The following TCF4 variants were observed in gnomAD, a reference collection of about 807,000 sequenced individuals.
TCF4 encodes SL3-3 enhancer factor 2.
In TCF4, 3 loss-of-function variants were observed where a neutral mutation model predicts 82.1. The ratio of observed to expected loss-of-function variants is 0.04; its 90% CI spans 0.02 to 0.09. TCF4 has a LOEUF of 0.09. TCF4 is among the 10% of genes least tolerant of loss of function. The probability of loss-of-function intolerance (pLI) is 1.00; values close to 1 mark genes in which losing one functional copy is unlikely to be tolerated. For missense variants in TCF4, 518 were observed against 852.7 expected (o/e 0.61, Z 4.89); for synonymous variants, 276 against 309.6 (o/e 0.89, Z 1.14).
intron 8 of TCF4, among the ~76,000 whole-genome samples, chr18:55,346,224 G>T (rs771763424): frequency 2.0e-5 from 3 of 152,034 alleles, no homozygotes; most frequent in Non-Finnish European, 4.4e-5. Flanking sequence ...TTTTATTTAA[G>T]AATTCTTTCC....
At chr18:55,234,734 A>T (rs1435938708) in intron 15 of TCF4, 51 bp from the exon 16 acceptor site, 10 of 1,612,926 alleles carry the variant, frequency 6.2e-6, no homozygotes, top group Non-Finnish European at 7.6e-6. Context: ...GAGGTGCGAC[A>T]GCTATTTCCA....
rs2097645728 is a variant in TCF4, at chr18:55,586,153, G to GAGCAGGAGCAGCAGC, written c.73-802_73-801insGCTGCTGCTCCTGCT. The GAGCAGGAGCAGCAGC allele has an allele frequency of 3.2e-5, 23 of 708,048 alleles. No individual in the cohort carries two copies. The South Asian group carries it at 3.7e-4, about 11-fold the overall frequency. The allele number at this position is 708,048 out of a possible 1,614,324, so 43.9% of individuals were successfully genotyped here. On this transcript the variant is annotated intron_variant, in intron 2 of 19. Transcript: ENST00000354452. ...GGAGGAGAAGGAGGAGGAGGAGGAG[G>GAGCAGGAGCAGCAGC]AGCAGCAGCAGCAGCAGCAGCAGCA...
At chr18:55,585,951 G>C (rs1174397391) in intron 2 of TCF4, 8 of 1,270,898 alleles carry the variant, frequency 6.3e-6, no homozygotes, top group African/African-American at 5.9e-5. Flanking sequence ...CTTCTTCGAC[G>C]TATCTAGTGG....
chr18:55,574,801 T>G (rs1405260769), intron 3 of TCF4, among the ~76,000 whole-genome samples: 1 of 151,962 alleles, frequency 6.6e-6, no homozygotes, highest in African/African-American at 2.4e-5. Flanking sequence ...AAAAAAAAAC[T>G]TTCACTGAAT....
chr18:55,553,503 T>C (rs984494098), intron 3 of TCF4: 1 of 152,186 alleles, frequency 6.6e-6, no homozygotes, highest in Non-Finnish European at 1.5e-5. Flanking sequence ...TTCAAGTTCA[T>C]GGATATTCTT....
chr18:55,228,457 G>A (rs2046961889), intron 18 of TCF4, 96 bp from the exon 19 acceptor site: 5 of 1,522,474 alleles, frequency 3.3e-6, no homozygotes, highest in Non-Finnish European at 3.6e-6. Context: ...CTTTTTCTCA[G>A]TGTTTATATT....
At chr18:55,387,109 A>G (rs2092674258) in intron 6 of TCF4, among the ~76,000 whole-genome samples, 1 of 152,242 alleles carries the variant, frequency 6.6e-6, no homozygotes, top group African/African-American at 2.4e-5. Flanking sequence ...CCACCCTTTG[A>G]AAGTCAAAGG....
chr18:55,226,532 A>C lies in TCF4; in HGVS notation c.*1503T>G, dbSNP rs2046618086. 6.6e-6 allele frequency: 1 copy of C among 152,624 alleles called. No individual in the cohort carries two copies. Among genetic ancestry groups the C allele is most frequent in the African/African-American group, 2.4e-5 (1 of 41,424 alleles). 9.5% of individuals were successfully genotyped at this position (152,624 alleles called of 1,614,324 possible). On this transcript the variant is annotated 3_prime_UTR_variant, in exon 20 of 20. Transcript: ENST00000354452. Reference sequence around the variant, plus strand: ...AATATGGTAAGTATAAACTTCATTCATACTGGCCAGAGAAATACTGCACTA... The same window carrying C: ...AATATGGTAAGTATAAACTTCATTCCTACTGGCCAGAGAAATACTGCACTA...
At chr18:55,468,891 C>CTA (rs1555676454) in intron 3 of TCF4, among the ~76,000 whole-genome samples, 2 of 127,694 alleles carry the variant, frequency 1.6e-5, no homozygotes, top group Admixed American at 1.5e-4. Context: ...GCCCCCCCCC[C>CTA]CCTTGTTCTA....
At chr18:55,442,527 A>G in intron 5 of TCF4, among the ~76,000 whole-genome samples, 1 of 152,196 alleles carries the variant, frequency 6.6e-6, no homozygotes, top group East Asian at 1.9e-4. Context: ...GTTTCTAAGG[A>G]TTATTGGCCA....
chr18:55,574,890 T>C (rs1314289298), intron 3 of TCF4, among the ~76,000 whole-genome samples: 1 of 152,102 alleles, frequency 6.6e-6, no homozygotes, highest in Non-Finnish European at 1.5e-5. Flanking sequence ...AACTCTATCG[T>C]TACTCCAGTG....
At chr18:55,230,048 G>A (rs2047441972) in intron 17 of TCF4, 1 of 151,890 alleles carries the variant, frequency 6.6e-6, no homozygotes, top group Non-Finnish European at 1.5e-5. Context: ...AGGAGGCTGA[G>A]GTGGGAGGCT....
At chr18:55,386,109 C>T (rs1288646331) in intron 6 of TCF4, among the ~76,000 whole-genome samples, 1 of 152,160 alleles carries the variant, frequency 6.6e-6, no homozygotes, top group Non-Finnish European at 1.5e-5. Flanking sequence ...ACCAGTACAG[C>T]AGGCCCTACT....
chr18:55,304,329 C>T (rs924154761), intron 8 of TCF4, among the ~76,000 whole-genome samples: 2 of 152,002 alleles, frequency 1.3e-5, no homozygotes, highest in Non-Finnish European at 2.9e-5. Flanking sequence ...GAGAGTAAGA[C>T]AAATAAGCCT....
chr18:55,613,460 T>C (rs779234169), intron 2 of TCF4, among the ~76,000 whole-genome samples: 21 of 152,246 alleles, frequency 1.4e-4, no homozygotes, highest in Non-Finnish European at 2.2e-4. Context: ...CAGGTGTCCA[T>C]AGTCCATTCC....
At chr18:55,365,191 A>ATGTGTG (rs1220531145) in intron 6 of TCF4, among the ~76,000 whole-genome samples, 15 of 97,896 alleles carry the variant, frequency 1.5e-4, no homozygotes, top group African/African-American at 5.0e-4. Flanking sequence ...ATATATATAT[A>ATGTGTG]TGTGTGTGTG....
intron 6 of TCF4, among the ~76,000 whole-genome samples, chr18:55,397,359 G>T (rs568427792): frequency 6.6e-6 from 1 of 152,222 alleles, no homozygotes; most frequent in Admixed American, 6.5e-5. Context: ...ACAAGGAAAC[G>T]AAATCTAATA....
chr18:55,592,645 GC>G (rs926444471), upstream of TCF4, among the ~76,000 whole-genome samples: 7 of 152,054 alleles, frequency 4.6e-5, no homozygotes, highest in Non-Finnish European at 8.8e-5. Context: ...ACTCCTTCTT[GC>G]CCCAGCCCCA....
At chr18:55,631,216 AT>A in intron 2 of TCF4, 1 of 593,028 alleles carries the variant, frequency 1.7e-6, no homozygotes. Context: ...TACCCAGCTA[AT>A]TTCTGTGTTT....
Sources: allele counts gnomAD v4.1 joint callset (sites outside exome capture counted in the v4.1 genomes callset), GRCh38; gene constraint gnomAD v4.1.1; transcripts MANE v1.5; gene names NCBI Gene and HGNC (gene_info 2026-07-23, HGNC 2026-07-21).